The following CNTN5 variants were observed in gnomAD, a reference collection of about 807,000 sequenced individuals.
CNTN5 encodes contactin 5, also known as contactin-5.
In CNTN5, 77 loss-of-function variants were observed where a neutral mutation model predicts 129.1. The observed-to-expected ratio is 0.60, with a 90% CI of 0.50 to 0.72. The LOEUF (loss-of-function observed/expected upper bound fraction) is 0.72, where lower values mean the gene tolerates loss of function less well. CNTN5 is among the 30% of genes least tolerant of loss of function. CNTN5 has a pLI of 0.00. For synonymous variants in CNTN5, 509 were observed against 465.6 expected (o/e 1.09, Z -1.20); for missense variants, 1,478 against 1,328.8 (o/e 1.11, Z -1.75).
chr11:99,908,675 C>CA (rs1949575238), intron 6 of CNTN5, among the ~76,000 whole-genome samples: 1 of 151,972 alleles, frequency 6.6e-6, no homozygotes. Flanking sequence ...GATTAGTTAT[C>CA]ATTTGTATTA....
At chr11:100,325,875 T>C (rs1049641894) in intron 21 of CNTN5, among the ~76,000 whole-genome samples, 2 of 152,170 alleles carry the variant, frequency 1.3e-5, no homozygotes, top group African/African-American at 4.8e-5. Context: ...GAGAAAAACA[T>C]ATAGAAGAAA....
chr11:99,929,327 C>T (rs754015557), intron 7 of CNTN5, among the ~76,000 whole-genome samples: 8 of 152,114 alleles, frequency 5.3e-5, no homozygotes, highest in Non-Finnish European at 1.0e-4. Flanking sequence ...CTTTTCAGCC[C>T]TTGGAACTGT....
At chr11:99,419,582 A>G (rs951167515) in intron 2 of CNTN5, among the ~76,000 whole-genome samples, 1 of 152,148 alleles carries the variant, frequency 6.6e-6, no homozygotes, top group Non-Finnish European at 1.5e-5. Flanking sequence ...GAAATTAGTG[A>G]CAATACTAAG....
At chr11:99,714,713 A>C (rs1955145684) in intron 3 of CNTN5, among the ~76,000 whole-genome samples, 1 of 151,964 alleles carries the variant, frequency 6.6e-6, no homozygotes, top group Admixed American at 6.6e-5. Context: ...CCAAAAGCCA[A>C]GTACCTTTTA....
At position 99,748,699 on chromosome 11, in the gene CNTN5, C is replaced by T. The variant is rs182138060; in HGVS notation, c.56-70845C>T. ...TCTGAGAACCTGGAACAATTATATT[C>T]GAGGACAGAAAAAGATGAATGTCCT... On this transcript the variant is annotated intron_variant, in intron 3 of 24. Transcript: ENST00000524871. 1.0e-3 allele frequency among the ~76,000 whole-genome samples: 158 copies of T among 152,222 alleles called. 1 individual carries two copies. Among genetic ancestry groups the T allele is most frequent in the Non-Finnish European group, 1.8e-3 (122 of 68,020 alleles).
rs1406513446 is a variant in CNTN5 at position 99,906,668 on chromosome 11, T to A, written c.578-9386T>A. Among the ~76,000 whole-genome samples the A allele has an allele frequency of 6.6e-5, 10 of 152,264 alleles. 1 individual carries two copies. Among genetic ancestry groups the A allele is most frequent in the Admixed American group, 4.6e-4 (7 of 15,280 alleles). ...GATGATGCTGCCCTCATAAAATGAG[T>A]TAGAGAGGAGTCCCTCTTTTCTACT... is the stretch of plus-strand genomic sequence containing the variant. On this transcript the variant is annotated intron_variant, in intron 6 of 24. Coordinates refer to ENST00000524871, the MANE Select transcript of CNTN5 (RefSeq NM_014361.4).
At chr11:99,827,912 A>G (rs1269063296) in intron 4 of CNTN5, among the ~76,000 whole-genome samples, 1 of 152,188 alleles carries the variant, frequency 6.6e-6, no homozygotes, top group Non-Finnish European at 1.5e-5. Flanking sequence ...AACATAAAAC[A>G]CTATCTGTAC....
intron 1 of CNTN5, among the ~76,000 whole-genome samples, chr11:99,153,470 T>C (rs1276085616): frequency 6.6e-6 from 1 of 151,400 alleles, no homozygotes; most frequent in Non-Finnish European, 1.5e-5. Flanking sequence ...AAGTGAGTTT[T>C]CAGCTCTATC....
At chr11:100,023,357 T>A (rs1941261967) in intron 9 of CNTN5, among the ~76,000 whole-genome samples, 1 of 152,192 alleles carries the variant, frequency 6.6e-6, no homozygotes, top group Admixed American at 6.5e-5. Context: ...ACTTTATTGT[T>A]TAGAGCAGTT....
chr11:99,720,720 A>C (rs1276722337), intron 3 of CNTN5, among the ~76,000 whole-genome samples: 1 of 152,174 alleles, frequency 6.6e-6, no homozygotes, highest in Non-Finnish European at 1.5e-5. Flanking sequence ...TTCATTTTGC[A>C]GGTGACATGA....
intron 3 of CNTN5, among the ~76,000 whole-genome samples, chr11:99,695,966 G>A (rs1367873603): frequency 6.6e-6 from 1 of 151,912 alleles, no homozygotes. Context: ...ACTTGTATAT[G>A]GTAAGCACCA....
At chr11:99,778,870 A>T (rs957862140) in intron 3 of CNTN5, among the ~76,000 whole-genome samples, 1 of 151,698 alleles carries the variant, frequency 6.6e-6, no homozygotes, top group African/African-American at 2.4e-5. Context: ...TGTTAAATTT[A>T]TAAAAGAATA....
At chr11:100,038,691 C>A (rs1942188737) in intron 9 of CNTN5, among the ~76,000 whole-genome samples, 2 of 151,880 alleles carry the variant, frequency 1.3e-5, no homozygotes, top group Non-Finnish European at 2.9e-5. Flanking sequence ...GTTAGCTCTT[C>A]TTGTTTAATT....
At chr11:99,413,230 A>G (rs564016457) in intron 2 of CNTN5, among the ~76,000 whole-genome samples, 1 of 152,346 alleles carries the variant, frequency 6.6e-6, no homozygotes, top group East Asian at 1.9e-4. Flanking sequence ...GAGGAAGATT[A>G]ACTAGAACAG....
At chr11:99,445,462 G>C (rs977057376) in intron 2 of CNTN5, among the ~76,000 whole-genome samples, 1 of 152,028 alleles carries the variant, frequency 6.6e-6, no homozygotes, top group Non-Finnish European at 1.5e-5. Flanking sequence ...GGCGCCTCCA[G>C]TTTCTTGATT....
chr11:100,276,240 G>A (rs532929202), intron 18 of CNTN5, among the ~76,000 whole-genome samples: 19 of 151,894 alleles, frequency 1.3e-4, no homozygotes, highest in South Asian at 1.3e-3. Context: ...TGAATTTTCC[G>A]GTCATCAAGA....
intron 3 of CNTN5, among the ~76,000 whole-genome samples, chr11:99,654,779 G>A (rs1025652187): frequency 6.6e-6 from 1 of 152,052 alleles, no homozygotes; most frequent in Non-Finnish European, 1.5e-5. Context: ...AAGATGTATT[G>A]TGTAAAAATC....
chr11:99,650,556 G>T (rs151092608), intron 3 of CNTN5, among the ~76,000 whole-genome samples: 1 of 151,602 alleles, frequency 6.6e-6, no homozygotes, highest in African/African-American at 2.4e-5. Flanking sequence ...TTTCATTTTT[G>T]TTCTTTCCTT....
chr11:99,671,660 T>C (rs1468100889), intron 3 of CNTN5, among the ~76,000 whole-genome samples: 2 of 152,208 alleles, frequency 1.3e-5, no homozygotes, highest in Non-Finnish European at 1.5e-5. Context: ...GGAAAGTGTC[T>C]TGCTGAAAAT....
Sources: gnomAD v4.1 joint callset for allele counts (sites outside exome capture counted in the v4.1 genomes callset) on GRCh38, gnomAD v4.1.1 for gene constraint, MANE v1.5 for transcripts, NCBI Gene and HGNC (gene_info 2026-07-23, HGNC 2026-07-21) for gene names.